EXT2: variants seen among roughly 807,000 people sequenced by gnomAD.
The protein encoded by EXT2 is exostosin glycosyltransferase 2.
A neutral mutation model predicts 81.6 loss-of-function variants in EXT2; 53 were observed. The ratio of observed to expected loss-of-function variants is 0.65; its 90% CI spans 0.52 to 0.82. EXT2 has a LOEUF of 0.82. Among genes scored for constraint, EXT2 ranks in the 40% least tolerant of loss-of-function variants. The pLI is 0.00. For synonymous variants in EXT2, 320 were observed against 340.0 expected (o/e 0.94, Z 0.65); for missense variants, 774 against 910.2 (o/e 0.85, Z 1.93).
At chr11:44,099,848 T>G (rs1325147472) in intron 1 of EXT2, among the ~76,000 whole-genome samples, 2 of 152,196 alleles carry the variant, frequency 1.3e-5, no homozygotes, top group African/African-American at 4.8e-5. Flanking sequence ...TTTTCCCCTT[T>G]CTTTTCTCAT....
In EXT2 at chr11:44,206,778, T is replaced by C; in HGVS notation, c.1496-15T>C. ...AAAGTTAGGAGAATAGTAAATACCT[T>C]TTCTCTTTTTCCAGATTCTCTCTGG... is the stretch of plus-strand genomic sequence containing the variant. On this transcript the variant is annotated splice_polypyrimidine_tract_variant and intron_variant, in intron 9 of 13. Coordinates refer to ENST00000533608, the MANE Select transcript of EXT2 (RefSeq NM_207122.2). 1 of 1,613,800 alleles carries C rather than the reference T, an allele frequency of 6.2e-7. No individual in the cohort carries two copies. The highest frequency in any genetic ancestry group is 8.5e-7 in the Non-Finnish European group (1 of 1,179,802).
At chr11:44,200,167 C>T (rs938268396) in intron 9 of EXT2, among the ~76,000 whole-genome samples, 2 of 149,916 alleles carry the variant, frequency 1.3e-5, no homozygotes, top group African/African-American at 2.5e-5. Context: ...AAAAAAAAAG[C>T]AAGTCCAAGT....
chr11:44,192,721 A>T (rs939415922), intron 8 of EXT2, among the ~76,000 whole-genome samples: 2 of 152,164 alleles, frequency 1.3e-5, no homozygotes, highest in Non-Finnish European at 2.9e-5. Context: ...AGATGAGGAA[A>T]CTGATACTCA....
rs975103689 is a variant in EXT2, at chr11:44,248,994, GT to G, written c.*4715del. Among the ~76,000 whole-genome samples, 2 of 150,866 alleles carry G rather than the reference GT, an allele frequency of 1.3e-5. No homozygotes were observed. The highest frequency in any genetic ancestry group is 1.5e-5 in the Non-Finnish European group (1 of 67,776). On this transcript the variant is annotated 3_prime_UTR_variant, in exon 14 of 14. Coordinates refer to ENST00000533608, the MANE Select transcript of EXT2 (RefSeq NM_207122.2). ...TTTGTTTGTTTGTTTGTTTGTTTTT[GT>G]TTTTTTTGTTTTTTCTTTGGAAACA...
At chr11:44,100,074 G>A (rs999056446) in intron 1 of EXT2, among the ~76,000 whole-genome samples, 1 of 152,214 alleles carries the variant, frequency 6.6e-6, no homozygotes, top group Non-Finnish European at 1.5e-5. Flanking sequence ...CAGCTCTGAA[G>A]TGTGTTCTCC....
chr11:44,149,580 C>T (rs1954765862), intron 7 of EXT2, among the ~76,000 whole-genome samples: 1 of 152,224 alleles, frequency 6.6e-6, no homozygotes, highest in African/African-American at 2.4e-5. Context: ...TGTGAACTTA[C>T]ATGAGTACAC....
At chr11:44,097,695 G>A (rs2134937528) in intron 1 of EXT2, among the ~76,000 whole-genome samples, 1 of 151,662 alleles carries the variant, frequency 6.6e-6, no homozygotes, top group East Asian at 1.9e-4. Flanking sequence ...GGAGGCTGAG[G>A]TTGTAGTGAG....
intron 7 of EXT2, among the ~76,000 whole-genome samples, chr11:44,150,996 G>A (rs142568825): frequency 5.9e-5 from 9 of 152,302 alleles, no homozygotes; most frequent in Middle Eastern, 3.4e-3. Flanking sequence ...AAAATTGTCA[G>A]ATGAATTAGA....
At position 44,130,138 on chromosome 11, in the gene EXT2, G is replaced by A. The variant is rs1457613214; in HGVS notation, c.1173G>A (p.Gln391=). ...PQRQIEEMQR[Q]ARWFWEAYFQ... is the part of the protein sequence containing the mutation. ...GACAGATTGAAGAAATGCAGAGACA[G>A]GTAAGAGGCCAAGTCTTGGGGAGGT... The change falls in exon 7 of 14, where the codon CAG becomes CAA. Residue 391 remains glutamine (Q), a splice_region_variant and synonymous_variant. Transcript: ENST00000533608. 2 of 1,613,466 alleles carry A rather than the reference G, an allele frequency of 1.2e-6. No individual in the cohort carries two copies. Among genetic ancestry groups the A allele is most frequent in the Admixed American group, 3.3e-5 (2 of 60,016 alleles).
At chr11:44,217,746 C>T (rs959059005) in intron 10 of EXT2, among the ~76,000 whole-genome samples, 10 of 152,102 alleles carry the variant, frequency 6.6e-5, no homozygotes, top group Admixed American at 5.2e-4. Flanking sequence ...TAAAAAGCAA[C>T]TTATTCCTCC....
intron 8 of EXT2, 54 bp from the exon 9 acceptor site, chr11:44,197,775 C>A: frequency 6.3e-7 from 1 of 1,589,354 alleles, no homozygotes; most frequent in South Asian, 1.1e-5. Context: ...GATATTGGGT[C>A]AGCCATATTG....
intron 1 of EXT2, chr11:44,096,151 C>T (rs2134932052): frequency 1.7e-6 from 2 of 1,179,016 alleles, no homozygotes; most frequent in African/African-American, 3.0e-5. Flanking sequence ...CAGTCCGCTC[C>T]TTCCTTTCCT....
intron 1 of EXT2, among the ~76,000 whole-genome samples, chr11:44,101,926 C>T (rs935840156): frequency 1.3e-4 from 18 of 139,060 alleles, no homozygotes; most frequent in African/African-American, 5.0e-4. Context: ...CATGGTGCTG[C>T]TTGACTTGTA....
chr11:44,182,582 C>T (rs1207899305), intron 8 of EXT2, among the ~76,000 whole-genome samples: 1 of 152,162 alleles, frequency 6.6e-6, no homozygotes, highest in Non-Finnish European at 1.5e-5. Context: ...TTAAATGTTT[C>T]TGTGTACTCT....
At chr11:44,215,989 G>C (rs1955714351) in intron 10 of EXT2, among the ~76,000 whole-genome samples, 2 of 151,114 alleles carry the variant, frequency 1.3e-5, no homozygotes, top group Non-Finnish European at 2.9e-5. Context: ...CCATTCTCCT[G>C]CCTCAACCTC....
At chr11:44,125,988 T>G (rs1954397891) in intron 5 of EXT2, among the ~76,000 whole-genome samples, 1 of 152,264 alleles carries the variant, frequency 6.6e-6, no homozygotes, top group Non-Finnish European at 1.5e-5. Context: ...AATTCCTTTA[T>G]TTCTTTTTCT....
intron 4 of EXT2, among the ~76,000 whole-genome samples, chr11:44,119,221 G>A (rs1458435487): frequency 1.4e-5 from 2 of 147,196 alleles, no homozygotes; most frequent in Non-Finnish European, 3.0e-5. Flanking sequence ...CTGTGGGGAT[G>A]TGTGTCAGAG....
chr11:44,193,713 A>C (rs540576836), intron 8 of EXT2, among the ~76,000 whole-genome samples: 1 of 152,312 alleles, frequency 6.6e-6, no homozygotes, highest in Non-Finnish European at 1.5e-5. Flanking sequence ...TCCTGTGTTC[A>C]TCTCCACTTC....
chr11:44,248,748 A>G lies in EXT2; in HGVS notation c.*4461A>G, dbSNP rs1481276386. Among the ~76,000 whole-genome samples, 4 of 152,188 alleles carry G rather than the reference A, an allele frequency of 2.6e-5. No individual in the cohort carries two copies. Among genetic ancestry groups the G allele is most frequent in the Admixed American group, 1.3e-4 (2 of 15,294 alleles). ...CTGTTAGGGATGCCCAGCTTCCCCA[A>G]TTTCCTGGGAGGGTGTGTGGGTCTG... On this transcript the variant is annotated 3_prime_UTR_variant, in exon 14 of 14. Coordinates refer to ENST00000533608, the MANE Select transcript of EXT2 (RefSeq NM_207122.2).
Sources: allele counts gnomAD v4.1 joint callset (sites outside exome capture counted in the v4.1 genomes callset), GRCh38; gene constraint gnomAD v4.1.1; transcripts MANE v1.5; gene names NCBI Gene and HGNC (gene_info 2026-07-23, HGNC 2026-07-21).